LTA4H: variants seen among roughly 807,000 people sequenced by gnomAD.
The protein encoded by LTA4H is leukotriene A-4 hydrolase.
Under a neutral mutation model 89.8 loss-of-function variants are expected in LTA4H, and 59 were observed. That is an observed-to-expected ratio of 0.66 (90% CI 0.53 to 0.82). The LOEUF (loss-of-function observed/expected upper bound fraction) is 0.82, where lower values mean the gene tolerates loss of function less well. Among genes scored for constraint, LTA4H ranks in the 40% least tolerant of loss-of-function variants. LTA4H has a pLI of 0.00. For missense variants in LTA4H, 617 were observed against 727.0 expected (o/e 0.85, Z 1.74); for synonymous variants, 227 against 253.1 (o/e 0.90, Z 0.98).
chr12:96,021,067 AT>A lies in LTA4H; in HGVS notation c.638+17del, dbSNP rs750123530. 1.9e-6 allele frequency: 3 copies of A among 1,598,354 alleles called. No individual in the cohort carries two copies. In the South Asian group the frequency reaches 3.4e-5, roughly 18 times the overall value. ...TTTTGATCTTTCCACAAACCTGAAA[AT>A]TTTTCCAAAAGCTCACCTGCTTTCT... On this transcript the variant is annotated intron_variant, in intron 6 of 18. Transcript: ENST00000228740.
intron 12 of LTA4H, 67 bp from the exon 13 acceptor site, chr12:96,013,920 T>C: frequency 2.7e-6 from 2 of 742,622 alleles, no homozygotes; most frequent in Non-Finnish European, 4.7e-6. Context: ...GTGTGCGTGT[T>C]TGGCATTGTA....
intron 1 of LTA4H, among the ~76,000 whole-genome samples, chr12:96,030,908 G>A (rs1175860404): frequency 6.6e-6 from 1 of 152,126 alleles, no homozygotes; most frequent in Non-Finnish European, 1.5e-5. Flanking sequence ...TCTCTTCATA[G>A]TCTAGTACCT....
intron 1 of LTA4H, among the ~76,000 whole-genome samples, chr12:96,031,351 G>C (rs895073029): frequency 6.6e-6 from 1 of 152,122 alleles, no homozygotes; most frequent in Non-Finnish European, 1.5e-5. Context: ...TGTTTAAGCT[G>C]TATTATCTCA....
chr12:96,035,654 A>AT, upstream of LTA4H: 2 of 1,429,926 alleles, frequency 1.4e-6, no homozygotes, highest in Non-Finnish European at 1.8e-6. Context: ...CGGGAAAGGA[A>AT]GTTTCTTAAA....
At chr12:96,024,683 T>G (rs1440880443) in intron 3 of LTA4H, 136 bp from the exon 4 acceptor site, 10 of 540,698 alleles carry the variant, frequency 1.8e-5, no homozygotes, top group Non-Finnish European at 3.3e-5. Flanking sequence ...TTTTTTTTTT[T>G]TTGAGACGGA....
chr12:96,013,330 G>A (rs1950332037), intron 13 of LTA4H, 72 bp from the exon 14 acceptor site: 2 of 892,118 alleles, frequency 2.2e-6, no homozygotes, highest in African/African-American at 1.7e-5. Flanking sequence ...AAACTTGTAA[G>A]TCCTTAGATA....
chr12:96,020,152 A>G (rs1421108784), intron 6 of LTA4H, among the ~76,000 whole-genome samples: 2 of 151,466 alleles, frequency 1.3e-5, no homozygotes, highest in African/African-American at 4.9e-5. Flanking sequence ...CGATCCTCCC[A>G]CTTTGGCCTC....
intron 2 of LTA4H, 35 bp from the exon 3 acceptor site, chr12:96,027,599 G>A (rs1055512003): frequency 7.2e-7 from 1 of 1,387,466 alleles, no homozygotes; most frequent in South Asian, 1.2e-5. Context: ...AGTAGAGTAT[G>A]ATTCCATCTA....
At position 96,015,708 on chromosome 12, in the gene LTA4H, A is replaced by G; in HGVS notation, c.948-14T>C. On this transcript the variant is annotated splice_polypyrimidine_tract_variant and intron_variant, in intron 10 of 18. Coordinates refer to ENST00000228740, the MANE Select transcript of LTA4H (RefSeq NM_000895.3). ...CCCTCATTTAACCTGAAAAAAAAAT[A>G]TTTTAATAAAAACACGGACACAGCT... The G allele has an allele frequency of 6.9e-7, 1 of 1,455,070 alleles. No individual in the cohort carries two copies. Among genetic ancestry groups the G allele is most frequent in the African/African-American group, 1.4e-5 (1 of 71,238 alleles). 90.1% of individuals were successfully genotyped at this position (1,455,070 alleles called of 1,614,324 possible).
At chr12:96,039,666 C>T (rs1279602162), upstream of LTA4H, among the ~76,000 whole-genome samples, 1 of 152,230 alleles carries the variant, frequency 6.6e-6, no homozygotes, top group Non-Finnish European at 1.5e-5. Flanking sequence ...AAACAAGTCA[C>T]ACCAAATTAG....
intron 16 of LTA4H, among the ~76,000 whole-genome samples, chr12:96,004,612 G>A (rs1307202065): frequency 6.6e-6 from 1 of 152,170 alleles, no homozygotes; most frequent in Non-Finnish European, 1.5e-5. Context: ...AGTTTGTAGT[G>A]CCTGTGAGAG....
chr12:96,037,692 CTTTTTTTTT>C (rs1205832896), upstream of LTA4H, among the ~76,000 whole-genome samples: 1 of 114,192 alleles, frequency 8.8e-6, no homozygotes, highest in African/African-American at 3.8e-5. Flanking sequence ...ATTGAGAAAG[CTTTTTTTTT>C]TTTTTTTTTT....
In LTA4H at chr12:96,004,605, T is replaced by C. The variant is rs192239409; in HGVS notation, c.1531-685A>G. ...AGTTCAGTTTGGACAAGCAGAGAGTTTGTAGTGCCTGTGAGAGGCAGAGGT... is the reference window on the plus strand; with the variant it reads ...AGTTCAGTTTGGACAAGCAGAGAGTCTGTAGTGCCTGTGAGAGGCAGAGGT... On this transcript the variant is annotated intron_variant, in intron 16 of 18. Transcript: ENST00000228740. Among the ~76,000 whole-genome samples, 284 of 152,224 alleles carry C rather than the reference T, an allele frequency of 1.9e-3. 2 individuals are homozygous for C. The highest frequency in any genetic ancestry group is 6.7e-3 in the African/African-American group (277 of 41,538).
intron 15 of LTA4H, among the ~76,000 whole-genome samples, chr12:96,007,754 C>T (rs1243451584): frequency 1.3e-5 from 2 of 152,196 alleles, no homozygotes; most frequent in Non-Finnish European, 2.9e-5. Context: ...GCAGTTTTAA[C>T]TAGCACCAAA....
rs1950544969 is a variant in LTA4H at position 96,029,179 on chromosome 12, C to A, written c.166G>T (p.Asp56Tyr). The A allele has an allele frequency of 1.3e-6, 2 of 1,504,614 alleles. No homozygotes were observed. The highest frequency in any genetic ancestry group is 1.8e-6 in the Non-Finnish European group (2 of 1,109,264). The allele number at this position is 1,504,614 out of a possible 1,614,324, so 93.2% of individuals were successfully genotyped here. ...TTTTCTATTGTAAGGTCCTTTGTAT[C>A]CAAAACCTAAAATTAATATTTTTAA... ...QEDNLRSLVL[D>Y]TKDLTIEKVV... is the part of the protein sequence containing the mutation. Residue 56 changes from aspartate (D) to tyrosine (Y), a missense_variant, in exon 2 of 19, where the codon GAT becomes TAT. Asp to Tyr is a radical substitution (Grantham distance 160). Around this residue, in one of 3 missense-constraint regions of LTA4H, gnomAD observed 155 missense variants for 143.3 expected, o/e 1.08. Transcript: ENST00000228740.
chr12:96,028,166 T>G (rs957063611), intron 2 of LTA4H, among the ~76,000 whole-genome samples: 1 of 152,144 alleles, frequency 6.6e-6, no homozygotes, highest in Admixed American at 6.5e-5. Flanking sequence ...AATTGGTCCT[T>G]TACCCCAGAG....
intron 1 of LTA4H, among the ~76,000 whole-genome samples, chr12:96,040,800 C>T (rs977070727): frequency 6.6e-6 from 1 of 152,204 alleles, no homozygotes; most frequent in Non-Finnish European, 1.5e-5. Context: ...TTCTGTCCTT[C>T]ACAGGGAACT....
intron 6 of LTA4H, among the ~76,000 whole-genome samples, chr12:96,019,919 T>A (rs1302223194): frequency 4.8e-4 from 66 of 136,776 alleles, no homozygotes; most frequent in East Asian, 3.4e-3. Flanking sequence ...TTTTTTTTTT[T>A]AAATATACAG....
At position 96,017,043 on chromosome 12, in the gene LTA4H, C is replaced by T; in HGVS notation, c.947+1G>A. ...TAAAGAAATAATAACAAAAATCTTA[C>T]CAAAAGTGATCCCAAGTTTTGTTGG... is the stretch of plus-strand genomic sequence containing the variant. On this transcript the variant is annotated splice_donor_variant, in intron 10 of 18. Coordinates refer to ENST00000228740, the MANE Select transcript of LTA4H (RefSeq NM_000895.3). LOFTEE classifies it high-confidence loss of function. 1 of 1,605,662 alleles carries T rather than the reference C, an allele frequency of 6.2e-7. No homozygotes were observed. The highest frequency in any genetic ancestry group is 2.2e-5 in the East Asian group (1 of 44,818).
Sources: gnomAD v4.1 joint callset for allele counts (sites outside exome capture counted in the v4.1 genomes callset) on GRCh38, gnomAD v4.1.1 for gene constraint, gnomAD v4.1.1 regional missense constraint, MANE v1.5 for transcripts, NCBI Gene and HGNC (gene_info 2026-07-23, HGNC 2026-07-21) for gene names.